The following LRP1B variants were observed in gnomAD, a reference collection of about 807,000 sequenced individuals.
The protein encoded by LRP1B is LDL receptor related protein 1B.
In LRP1B, 217 loss-of-function variants were observed where a neutral mutation model predicts 556.6. The observed-to-expected ratio is 0.39, with a 90% CI of 0.35 to 0.44. The LOEUF is 0.44. Among genes scored for constraint, LRP1B ranks in the 20% least tolerant of loss-of-function variants. The pLI, the probability that LRP1B is intolerant of heterozygous loss-of-function variation, is 1.00. For missense variants in LRP1B, 5,053 were observed against 5,620.8 expected (o/e 0.90, Z 3.23); for synonymous variants, 2,047 against 1,865.8 (o/e 1.10, Z -2.50).
At chr2:140,432,732 TAAG>T (rs1225105929) in intron 66 of LRP1B, among the ~76,000 whole-genome samples, 1 of 152,236 alleles carries the variant, frequency 6.6e-6, no homozygotes, top group Non-Finnish European at 1.5e-5. Flanking sequence ...TGGACAATTT[TAAG>T]AAGCAGCTAG....
At chr2:140,395,009 A>T (rs1449036666) in intron 66 of LRP1B, among the ~76,000 whole-genome samples, 1 of 152,148 alleles carries the variant, frequency 6.6e-6, no homozygotes, top group Non-Finnish European at 1.5e-5. Context: ...TCTGCCCCAC[A>T]TCTACTCTAT....
At chr2:140,601,312 A>C in intron 42 of LRP1B, 138 bp downstream of exon 42, 3 of 802,146 alleles carry the variant, frequency 3.7e-6, no homozygotes, top group African/African-American at 1.7e-5. Context: ...TTACATAAAA[A>C]AAAAAGTTTT....
chr2:140,474,372 G>A (rs1033497667), intron 60 of LRP1B, among the ~76,000 whole-genome samples: 9 of 151,822 alleles, frequency 5.9e-5, no homozygotes, highest in African/African-American at 7.2e-5. Flanking sequence ...GCCAGAGAAG[G>A]AAGTAACTTG....
intron 1 of LRP1B, among the ~76,000 whole-genome samples, chr2:141,877,866 G>A (rs1196204409): frequency 6.6e-6 from 1 of 151,900 alleles, no homozygotes; most frequent in Non-Finnish European, 1.5e-5. Context: ...CACCAAGATT[G>A]ATCAGTTACC....
chr2:141,517,231 G>C (rs1395811769), intron 2 of LRP1B, among the ~76,000 whole-genome samples: 1 of 26,422 alleles, frequency 3.8e-5, no homozygotes, highest in Non-Finnish European at 9.7e-5. Flanking sequence ...GTGGCCTTTA[G>C]ATTGACCATG....
chr2:140,334,854 C>T (rs757739624), intron 78 of LRP1B, among the ~76,000 whole-genome samples: 24 of 151,940 alleles, frequency 1.6e-4, no homozygotes, highest in Non-Finnish European at 3.1e-4. Flanking sequence ...CATTAAAACT[C>T]AGAGAAAAAA....
intron 3 of LRP1B, among the ~76,000 whole-genome samples, chr2:141,435,461 G>T (rs1680728431): frequency 6.6e-6 from 1 of 152,124 alleles, no homozygotes; most frequent in South Asian, 2.1e-4. Context: ...GATCTCCATT[G>T]TTCTTGACAA....
At chr2:141,490,267 T>C (rs1396076534) in intron 2 of LRP1B, among the ~76,000 whole-genome samples, 1 of 152,206 alleles carries the variant, frequency 6.6e-6, no homozygotes, top group African/African-American at 2.4e-5. Flanking sequence ...AAAGTACCGA[T>C]GGTATGTATT....
intron 7 of LRP1B, among the ~76,000 whole-genome samples, chr2:141,079,124 CA>C (rs557571482): frequency 2.0e-5 from 3 of 152,046 alleles, no homozygotes; most frequent in African/African-American, 7.3e-5. Context: ...TCTATCTTTA[CA>C]CTGAATTTTG....
chr2:142,080,523 G>T (rs958058471), intron 1 of LRP1B, among the ~76,000 whole-genome samples: 3 of 147,064 alleles, frequency 2.0e-5, no homozygotes, highest in East Asian at 3.9e-4. Context: ...GGTTGAGTTT[G>T]TAAAAAAAAT....
At chr2:141,506,058 C>T (rs1266871279) in intron 2 of LRP1B, among the ~76,000 whole-genome samples, 1 of 151,986 alleles carries the variant, frequency 6.6e-6, no homozygotes, top group Admixed American at 6.6e-5. Flanking sequence ...AATTCCTAAT[C>T]ATTTGTCATT....
intron 43 of LRP1B, among the ~76,000 whole-genome samples, chr2:140,551,734 G>A (rs144217495): frequency 6.6e-6 from 1 of 152,190 alleles, no homozygotes; most frequent in African/African-American, 2.4e-5. Flanking sequence ...TAATACTTCT[G>A]ATATTTTGAG....
chr2:140,675,168 A>T (rs1412072012), intron 41 of LRP1B, among the ~76,000 whole-genome samples: 2 of 152,232 alleles, frequency 1.3e-5, no homozygotes, highest in Non-Finnish European at 2.9e-5. Context: ...TATCTAATCC[A>T]GGACAATTTC....
At chr2:140,263,921 C>T (rs189979179) in intron 86 of LRP1B, among the ~76,000 whole-genome samples, 1 of 151,718 alleles carries the variant, frequency 6.6e-6, no homozygotes, top group African/African-American at 2.4e-5. Flanking sequence ...ATTCTGGTAT[C>T]GAAATATTCA....
In LRP1B at chr2:140,907,920, C is replaced by T. The variant is rs1387610201; in HGVS notation, c.3477G>A (p.Gly1159=). Residue 1159 remains glycine, a synonymous_variant, in exon 22 of 91, where the codon GGG becomes GGA. Coordinates refer to ENST00000389484, the MANE Select transcript of LRP1B (RefSeq NM_018557.3). ...CAGAGCCATCAGGACAATCCTTTTTCCCATTGCAGAGTTTCTCTGGCTGCA... is the reference window on the plus strand; with the variant it reads ...CAGAGCCATCAGGACAATCCTTTTTTCCATTGCAGAGTTTCTCTGGCTGCA... The part of the protein sequence containing the change: ...VCLQPEKLCN[G]KKDCPDGSDE... The T allele has an allele frequency of 6.2e-7, 1 of 1,613,520 alleles. No homozygotes were observed. Among genetic ancestry groups the T allele is most frequent in the Non-Finnish European group, 8.5e-7 (1 of 1,179,630 alleles).
chr2:141,729,411 A>C (rs1260753583), intron 2 of LRP1B, among the ~76,000 whole-genome samples: 1 of 152,168 alleles, frequency 6.6e-6, no homozygotes, highest in Non-Finnish European at 1.5e-5. Flanking sequence ...CTTAGCAGGC[A>C]GACTTTAAAG....
intron 66 of LRP1B, among the ~76,000 whole-genome samples, chr2:140,439,171 T>C (rs1686318058): frequency 6.6e-6 from 1 of 152,128 alleles, no homozygotes; most frequent in Non-Finnish European, 1.5e-5. Flanking sequence ...AGGCTGAAGG[T>C]GAAAAAAGTT....
At chr2:140,973,840 G>A (rs1462668546) in intron 18 of LRP1B, among the ~76,000 whole-genome samples, 1 of 152,014 alleles carries the variant, frequency 6.6e-6, no homozygotes, top group Non-Finnish European at 1.5e-5. Context: ...TATTTCTGCA[G>A]AAGATCTCCA....
chr2:140,859,720 T>C (rs1183164067), intron 27 of LRP1B, among the ~76,000 whole-genome samples: 1 of 152,128 alleles, frequency 6.6e-6, no homozygotes, highest in African/African-American at 2.4e-5. Flanking sequence ...CCTGGCCGTG[T>C]GCGGTGGCTC....
Sources: allele counts gnomAD v4.1 joint callset (sites outside exome capture counted in the v4.1 genomes callset), GRCh38; gene constraint gnomAD v4.1.1; transcripts MANE v1.5; gene names NCBI Gene and HGNC (gene_info 2026-07-23, HGNC 2026-07-21).